The following KCNIP1 variants were observed in gnomAD, a reference collection of about 807,000 sequenced individuals.
The protein encoded by KCNIP1 is A-type potassium channel modulatory protein KCNIP1.
Under a neutral mutation model 33.0 loss-of-function variants are expected in KCNIP1, and 18 were observed. That is an observed-to-expected ratio of 0.55 (90% confidence interval 0.38 to 0.81). KCNIP1 has a LOEUF of 0.81. Ranked by LOEUF, KCNIP1 falls within the 30% of genes least tolerant of loss-of-function variation. The probability of loss-of-function intolerance (pLI) is 0.00; values close to 1 mark genes in which losing one functional copy is unlikely to be tolerated. For missense variants in KCNIP1, 238 were observed against 271.6 expected, an observed-to-expected ratio of 0.88 and a Z score of 0.87; for synonymous variants, 93 against 98.3, an observed-to-expected ratio of 0.95 and a Z score of 0.32.
intron 1 of KCNIP1, among the ~76,000 whole-genome samples, chr5:170,360,133 G>T (rs927537810): frequency 3.9e-5 from 6 of 152,178 alleles, no homozygotes; most frequent in Non-Finnish European, 8.8e-5. Flanking sequence ...GGCCTCCTTT[G>T]CCATGCCACA....
chr5:170,628,788 C>G (rs1019875696), intron 1 of KCNIP1, among the ~76,000 whole-genome samples: 4 of 152,200 alleles, frequency 2.6e-5, no homozygotes, highest in Admixed American at 2.0e-4. Flanking sequence ...CTGCTGCACT[C>G]GAGGGCAGCT....
Position 170,731,979 on chromosome 5 carries a change from T to TTGTTAA in KCNIP1, c.436-821_436-820insTGTTAA, listed in dbSNP as rs1764220721. On this transcript the variant is annotated intron_variant, in intron 5 of 7. Coordinates refer to ENST00000328939, the MANE Select transcript of KCNIP1 (RefSeq NM_014592.4). The stretch of plus-strand genomic sequence containing the variant: ...AGCCATGTTAATTTCCTGGGTTTGG[T>TTGTTAA]CATTGTGCTCTGGTTATGCAAGTTG... Among the ~76,000 whole-genome samples, 6 of 152,058 alleles carry TTGTTAA rather than the reference T, an allele frequency of 3.9e-5. No homozygotes were observed. The South Asian group carries it at 1.2e-3, about 31-fold the overall frequency.
At chr5:170,719,259 G>A (rs777790371) in intron 2 of KCNIP1, among the ~76,000 whole-genome samples, 21 of 152,124 alleles carry the variant, frequency 1.4e-4, no homozygotes, top group African/African-American at 3.9e-4. Flanking sequence ...CGAGACTGAT[G>A]TGTAAGCCGA....
At chr5:170,669,964 T>G (rs2113767316) in intron 1 of KCNIP1, among the ~76,000 whole-genome samples, 1 of 152,310 alleles carries the variant, frequency 6.6e-6, no homozygotes, top group South Asian at 2.1e-4. Context: ...CTACAAAAGT[T>G]TAAAATAATG....
At chr5:170,383,007 GAAAA>G (rs1764310475) in intron 1 of KCNIP1, 1 of 151,460 alleles carries the variant, frequency 6.6e-6, no homozygotes, top group African/African-American at 2.4e-5. Flanking sequence ...GGAAAAAAAA[GAAAA>G]GAAAGAAGGA....
intron 1 of KCNIP1, among the ~76,000 whole-genome samples, chr5:170,371,847 G>A (rs1763854131): frequency 6.6e-6 from 1 of 152,188 alleles, no homozygotes; most frequent in Admixed American, 6.5e-5. Flanking sequence ...TCATTGAAGA[G>A]AACTATTGTA....
chr5:170,516,004 G>T (rs1755106369), intron 1 of KCNIP1, among the ~76,000 whole-genome samples: 1 of 152,222 alleles, frequency 6.6e-6, no homozygotes, highest in African/African-American at 2.4e-5. Flanking sequence ...GAAGGGGAAA[G>T]AAATGAAAAC....
chr5:170,391,914 T>C (rs541876086), intron 1 of KCNIP1, among the ~76,000 whole-genome samples: 1 of 152,358 alleles, frequency 6.6e-6, no homozygotes, highest in South Asian at 2.1e-4. Context: ...CCATTCCATG[T>C]GCCCTTTTCA....
intron 1 of KCNIP1, among the ~76,000 whole-genome samples, chr5:170,676,817 G>T (rs887131464): frequency 2.6e-5 from 4 of 152,228 alleles, no homozygotes; most frequent in African/African-American, 9.6e-5. Flanking sequence ...GCTGAGAGCA[G>T]CAGAAGTAGC....
intron 1 of KCNIP1, among the ~76,000 whole-genome samples, chr5:170,449,682 C>T (rs996420083): frequency 2.6e-5 from 4 of 152,146 alleles, no homozygotes; most frequent in East Asian, 1.9e-4. Context: ...AGAACAGTGC[C>T]GGCGGTGTAT....
At chr5:170,463,252 T>C (rs538457788) in intron 1 of KCNIP1, among the ~76,000 whole-genome samples, 3 of 152,330 alleles carry the variant, frequency 2.0e-5, no homozygotes, top group African/African-American at 7.2e-5. Flanking sequence ...AATATTTAAA[T>C]TAAAGAATTA....
intron 1 of KCNIP1, among the ~76,000 whole-genome samples, chr5:170,424,837 C>T (rs1014403827): frequency 1.3e-5 from 2 of 152,250 alleles, no homozygotes; most frequent in African/African-American, 4.8e-5. Context: ...GCCCTCAAGG[C>T]CTTTTATGAT....
At chr5:170,658,149 G>A (rs1454666193) in intron 1 of KCNIP1, among the ~76,000 whole-genome samples, 1 of 152,178 alleles carries the variant, frequency 6.6e-6, no homozygotes, top group East Asian at 1.9e-4. Context: ...AGAGAATAGG[G>A]TGCTACATGG....
In KCNIP1 at chr5:170,657,248, G is replaced by A. The variant is rs569903685; in HGVS notation, c.62-61510G>A. On this transcript the variant is annotated intron_variant, in intron 1 of 7. Coordinates refer to ENST00000328939, the MANE Select transcript of KCNIP1 (RefSeq NM_014592.4). ...TGACCTCAGGTGATCTGAGCACCTC[G>A]ATCTCCCAAAGTCCTGGGATTACAG... 3.9e-5 allele frequency among the ~76,000 whole-genome samples: 6 copies of A among 152,010 alleles called. No homozygotes were observed. The East Asian group carries it at 9.7e-4, about 24-fold the overall frequency.
rs138499561 is a variant in KCNIP1, at chr5:170,734,770, A to T, written c.603+872A>T. On this transcript the variant is annotated intron_variant, in intron 7 of 7. Transcript: ENST00000328939. ...CATCAAGTTTCAAGCACATACATAA[A>T]CATCACAGCCACCCTGTTATGTAGA... is the stretch of plus-strand genomic sequence containing the variant. 1.3e-3 allele frequency among the ~76,000 whole-genome samples: 200 copies of T among 152,330 alleles called. 3 individuals are homozygous for T. The highest frequency in any genetic ancestry group is 3.7e-3 in the African/African-American group (153 of 41,576).
At chr5:170,398,437 A>G (rs1262145896) in intron 1 of KCNIP1, among the ~76,000 whole-genome samples, 1 of 152,142 alleles carries the variant, frequency 6.6e-6, no homozygotes, top group Non-Finnish European at 1.5e-5. Flanking sequence ...GGTAGAGGAG[A>G]CTGGTTAATT....
At chr5:170,544,453 G>A (rs1756335327) in intron 1 of KCNIP1, among the ~76,000 whole-genome samples, 1 of 151,918 alleles carries the variant, frequency 6.6e-6, no homozygotes, top group Admixed American at 6.6e-5. Flanking sequence ...TTCAGTGTTT[G>A]GACTCTGGTT....
chr5:170,601,178 C>T (rs547794416), intron 1 of KCNIP1, among the ~76,000 whole-genome samples: 1 of 152,392 alleles, frequency 6.6e-6, no homozygotes, highest in South Asian at 2.1e-4. Context: ...GTAGACTGGG[C>T]TGCAGTGCCT....
chr5:170,662,194 C>T (rs1489127262), intron 1 of KCNIP1, among the ~76,000 whole-genome samples: 1 of 152,196 alleles, frequency 6.6e-6, no homozygotes, highest in Non-Finnish European at 1.5e-5. Flanking sequence ...TTCTGCTGGG[C>T]ATGGATATTT....
Sources: gnomAD v4.1 joint callset for allele counts (sites outside exome capture counted in the v4.1 genomes callset) on GRCh38, gnomAD v4.1.1 for gene constraint, MANE v1.5 for transcripts, NCBI Gene and HGNC (gene_info 2026-07-23, HGNC 2026-07-21) for gene names.